Variants in SPTSSB observed in about 807,000 individuals in gnomAD.
SPTSSB encodes the protein androgen down regulated in mouse prostate.
Under a neutral mutation model 7.7 loss-of-function variants are expected in SPTSSB, and 6 were observed. That is an observed-to-expected ratio of 0.78 (90% confidence interval 0.43 to 1.54). SPTSSB has a LOEUF of 1.54. Ranked by LOEUF, SPTSSB falls within the 40% of genes most tolerant of loss-of-function variation. The pLI, the probability that SPTSSB is intolerant of heterozygous loss-of-function variation, is 0.01. For missense variants in SPTSSB, 91 were observed against 93.0 expected (o/e 0.98, Z 0.09); for synonymous variants, 28 against 29.7 (o/e 0.94, Z 0.19).
At position 161,371,459 on chromosome 3, in the gene SPTSSB, C is replaced by T. The variant is rs183737864; in HGVS notation, c.-150G>A. On this transcript the variant is annotated 5_prime_UTR_variant, in exon 1 of 3. Coordinates refer to ENST00000620149, the MANE Select transcript of SPTSSB (RefSeq NM_001040100.2). ...CCTCCCAGTTGGGTGTATCTCCCTGCGGCTTAGGTGAGCGCCGAGGCTTTG... is the reference window on the plus strand; with the variant it reads ...CCTCCCAGTTGGGTGTATCTCCCTGTGGCTTAGGTGAGCGCCGAGGCTTTG... The T allele has an allele frequency of 1.7e-3, 1,703 of 985,448 alleles. 22 individuals are homozygous for T. In the African/African-American group the frequency reaches 0.028, roughly 16 times the overall value. The allele number at this position is 985,448 out of a possible 1,614,324, so 61.0% of individuals were successfully genotyped here.
At chr3:161,365,831 C>T (rs926583649) in intron 1 of SPTSSB, among the ~76,000 whole-genome samples, 1 of 152,170 alleles carries the variant, frequency 6.6e-6, no homozygotes, top group African/African-American at 2.4e-5. Context: ...AAGAAAGCTG[C>T]GGCACCCATT....
chr3:161,363,416 A>C (rs957848290), intron 1 of SPTSSB, among the ~76,000 whole-genome samples: 3 of 151,956 alleles, frequency 2.0e-5, no homozygotes, highest in Admixed American at 2.0e-4. Flanking sequence ...AAGTCAGAAG[A>C]CTTTGCTGAC....
intron 1 of SPTSSB, among the ~76,000 whole-genome samples, chr3:161,364,264 G>A (rs1463718892): frequency 1.3e-5 from 2 of 152,144 alleles, no homozygotes; most frequent in East Asian, 3.9e-4. Context: ...GTGGGCCTGG[G>A]CATGTGTGCT....
At chr3:161,346,755 G>T (rs557366920) in intron 2 of SPTSSB, among the ~76,000 whole-genome samples, 4 of 152,160 alleles carry the variant, frequency 2.6e-5, no homozygotes, top group Non-Finnish European at 5.9e-5. Context: ...AGGTCCAAGG[G>T]ATCATTATGA....
At chr3:161,355,433 A>G (rs1714728789) in intron 2 of SPTSSB, among the ~76,000 whole-genome samples, 1 of 152,220 alleles carries the variant, frequency 6.6e-6, no homozygotes, top group African/African-American at 2.4e-5. Context: ...CACAATAGTC[A>G]AAAGATGGAA....
intron 2 of SPTSSB, among the ~76,000 whole-genome samples, chr3:161,348,269 AAAC>A (rs1451230628): frequency 1.5e-5 from 2 of 135,942 alleles, no homozygotes; most frequent in Non-Finnish European, 3.1e-5. Flanking sequence ...AAACAAAACA[AAAC>A]AAAACAAAAC....
At chr3:161,357,923 GT>G (rs112656943) in intron 2 of SPTSSB, among the ~76,000 whole-genome samples, 6,071 of 152,040 alleles carry the variant, frequency 0.04, 141 homozygotes, top group African/African-American at 0.055. Flanking sequence ...AACTTCTGTT[GT>G]TTTAAGCCGC....
At chr3:161,362,165 T>G (rs980308068) in intron 1 of SPTSSB, among the ~76,000 whole-genome samples, 3 of 152,116 alleles carry the variant, frequency 2.0e-5, no homozygotes, top group African/African-American at 7.2e-5. Context: ...TTATGTATGT[T>G]TCTATGCCTA....
At chr3:161,371,153 C>T (rs1411064322) in intron 1 of SPTSSB, among the ~76,000 whole-genome samples, 1 of 152,104 alleles carries the variant, frequency 6.6e-6, no homozygotes, top group African/African-American at 2.4e-5. Flanking sequence ...TAATGGACTA[C>T]ACGAAGGTAA....
chr3:161,369,887 A>G (rs1715434278), intron 1 of SPTSSB, among the ~76,000 whole-genome samples: 1 of 152,204 alleles, frequency 6.6e-6, no homozygotes, highest in Non-Finnish European at 1.5e-5. Context: ...TTCTTACTGA[A>G]ATATAAGAGA....
chr3:161,355,784 C>T (rs1262308312), intron 2 of SPTSSB, among the ~76,000 whole-genome samples: 1 of 152,156 alleles, frequency 6.6e-6, no homozygotes, highest in Non-Finnish European at 1.5e-5. Flanking sequence ...ATATACTTAA[C>T]ACCACTTAAC....
chr3:161,369,347 T>TCTTTCTTTCTTTC (rs1715393910), intron 1 of SPTSSB, among the ~76,000 whole-genome samples: 3 of 105,238 alleles, frequency 2.9e-5, no homozygotes, highest in African/African-American at 8.0e-5. Context: ...TTTCTTTCTT[T>TCTTTCTTTCTTTC]CTTTCTCTTT....
chr3:161,358,705 G>A (rs1310459745), intron 2 of SPTSSB, among the ~76,000 whole-genome samples: 2 of 152,116 alleles, frequency 1.3e-5, no homozygotes, highest in Non-Finnish European at 2.9e-5. Context: ...TTATTTTTCA[G>A]AATGTTTATT....
rs1352907585 is a variant in SPTSSB at position 161,368,140 on chromosome 3, T to C, written c.-126+3295A>G. On this transcript the variant is annotated intron_variant, in intron 1 of 2. Transcript: ENST00000620149. ...TATTTCATATATTTTAATGTGGTCA[T>C]TGGGGAAAAGCCTCACATAAACTAT... Among the ~76,000 whole-genome samples the C allele has an allele frequency of 3.3e-5, 5 of 152,194 alleles. No homozygotes were observed. In the East Asian group the frequency reaches 9.6e-4, roughly 29 times the overall value.
chr3:161,361,386 A>T (rs1270138942), intron 1 of SPTSSB, among the ~76,000 whole-genome samples: 1 of 152,188 alleles, frequency 6.6e-6, no homozygotes, highest in Non-Finnish European at 1.5e-5. Context: ...AGAAGATATT[A>T]CTAAAATCTC....
intron 1 of SPTSSB, among the ~76,000 whole-genome samples, chr3:161,362,937 T>G (rs1448052353): frequency 1.3e-5 from 2 of 152,004 alleles, no homozygotes; most frequent in African/African-American, 4.8e-5. Context: ...AATGTATGCT[T>G]CTTTGTATTA....
At chr3:161,363,618 T>C (rs1715100853) in intron 1 of SPTSSB, among the ~76,000 whole-genome samples, 3 of 152,080 alleles carry the variant, frequency 2.0e-5, no homozygotes, top group African/African-American at 4.8e-5. Context: ...AATTTTACCA[T>C]TTTTAAAAAA....
intron 2 of SPTSSB, among the ~76,000 whole-genome samples, chr3:161,348,656 T>C (rs1714373112): frequency 1.3e-5 from 2 of 152,236 alleles, no homozygotes; most frequent in South Asian, 2.1e-4. Flanking sequence ...GTTTTAAATA[T>C]ACTTCTGCAC....
intron 2 of SPTSSB, among the ~76,000 whole-genome samples, chr3:161,347,195 A>G (rs188494460): frequency 4.6e-4 from 70 of 152,308 alleles, no homozygotes; most frequent in African/African-American, 1.5e-3. Context: ...CTTCATTTTT[A>G]CAAATGAGAT....
Sources: gnomAD v4.1 joint callset for allele counts (sites outside exome capture counted in the v4.1 genomes callset) on GRCh38, gnomAD v4.1.1 for gene constraint, MANE v1.5 for transcripts, NCBI Gene and HGNC (gene_info 2026-07-23, HGNC 2026-07-21) for gene names.